CNIH3: variants seen among roughly 807,000 people sequenced by gnomAD.
The protein encoded by CNIH3 is cornichon family AMPA receptor auxiliary protein 3.
Under a neutral mutation model 24.1 loss-of-function variants are expected in CNIH3, and 14 were observed. The observed-to-expected ratio is 0.58, with a 90% confidence interval of 0.38 to 0.91. The LOEUF is 0.91. CNIH3 is among the 40% of genes least tolerant of loss of function. CNIH3 has a pLI of 0.00. For synonymous variants in CNIH3, 68 were observed against 73.8 expected (o/e 0.92, Z 0.40); for missense variants, 178 against 196.8 (o/e 0.90, Z 0.57).
At chr1:224,440,073 C>G (rs1250762852) in intron 1 of CNIH3, among the ~76,000 whole-genome samples, 1 of 152,244 alleles carries the variant, frequency 6.6e-6, no homozygotes, top group South Asian at 2.1e-4. Flanking sequence ...CAGGCGTGAG[C>G]CACTGCGCCC....
chr1:224,505,305 G>A (rs1465918840), intron 1 of CNIH3, among the ~76,000 whole-genome samples: 7 of 138,514 alleles, frequency 5.1e-5, no homozygotes, highest in Non-Finnish European at 9.4e-5. Context: ...TCTCAAAAAG[G>A]AAAAAAAAAA....
intron 1 of CNIH3, among the ~76,000 whole-genome samples, chr1:224,499,155 G>C (rs2124865981): frequency 6.6e-6 from 1 of 152,306 alleles, no homozygotes; most frequent in East Asian, 1.9e-4. Flanking sequence ...AAAAATGTTA[G>C]TTAAAAATTT....
intron 4 of CNIH3, among the ~76,000 whole-genome samples, chr1:224,573,443 A>C (rs773712083): frequency 6.6e-6 from 1 of 152,070 alleles, no homozygotes; most frequent in Non-Finnish European, 1.5e-5. Context: ...TTGCTGTGGA[A>C]CTCTAAGCTG....
At chr1:224,593,159 C>CTTT (rs773677216), downstream of CNIH3, among the ~76,000 whole-genome samples, 33 of 139,628 alleles carry the variant, frequency 2.4e-4, no homozygotes, top group African/African-American at 8.5e-4. Flanking sequence ...TTTTTTTTAA[C>CTTT]TTTTTTTTTT....
intron 4 of CNIH3, among the ~76,000 whole-genome samples, chr1:224,732,467 T>G (rs1689389743): frequency 6.6e-6 from 1 of 152,192 alleles, no homozygotes; most frequent in Non-Finnish European, 1.5e-5. Context: ...AACAACCAAG[T>G]GAGCTGGGTT....
intron 3 of CNIH3, among the ~76,000 whole-genome samples, chr1:224,696,841 G>T (rs1229449516): frequency 6.6e-6 from 1 of 152,054 alleles, no homozygotes; most frequent in Non-Finnish European, 1.5e-5. Flanking sequence ...ACAGCTAAAA[G>T]AAATCTTGCT....
upstream of CNIH3, among the ~76,000 whole-genome samples, chr1:224,511,214 G>C (rs114170325): frequency 6.6e-6 from 1 of 152,158 alleles, no homozygotes; most frequent in Admixed American, 6.5e-5. Context: ...GCTGCTTGTC[G>C]TTTCCAAGGC....
chr1:224,655,189 C>CT (rs60418566), intron 1 of CNIH3, among the ~76,000 whole-genome samples: 40,607 of 151,950 alleles, frequency 0.27, 5,603 homozygotes, highest in East Asian at 0.36. Context: ...GGGCTGTCTT[C>CT]TGAAGGAGCT....
chr1:224,616,558 C>T lies in CNIH3; in HGVS notation c.-617C>T. On this transcript the variant is annotated 5_prime_UTR_variant, in exon 1 of 6. Transcript: ENST00000272133. ...GAGCGCACGGCTGCGCTGGAAGCCG[C>T]GTCTGGGGCGCAGGACCAACGGGAC... 2.0e-6 allele frequency: 2 copies of T among 986,910 alleles called. No individual in the cohort carries two copies. Among genetic ancestry groups the T allele is most frequent in the Non-Finnish European group, 2.4e-6 (2 of 830,936 alleles). 61.1% of individuals were successfully genotyped at this position (986,910 alleles called of 1,614,324 possible). A position where few individuals can be genotyped will look rare whatever the true frequency, so the allele number is the denominator to read the frequency against.
intron 4 of CNIH3, among the ~76,000 whole-genome samples, chr1:224,581,821 C>A (rs1681285933): frequency 6.6e-6 from 1 of 152,124 alleles, no homozygotes; most frequent in African/African-American, 2.4e-5. Flanking sequence ...ACATTTAAGT[C>A]ACTTATAAAC....
chr1:224,478,363 C>T (rs867893915), intron 1 of CNIH3, among the ~76,000 whole-genome samples: 1 of 151,880 alleles, frequency 6.6e-6, no homozygotes, highest in African/African-American at 2.4e-5. Context: ...ATTTTGTCTC[C>T]TCCGTGTATT....
intron 1 of CNIH3, among the ~76,000 whole-genome samples, chr1:224,453,092 G>A (rs1216124915): frequency 2.6e-5 from 4 of 151,742 alleles, no homozygotes; most frequent in Non-Finnish European, 5.9e-5. Flanking sequence ...TTGCACTCCA[G>A]CCTGGGCAAC....
intron 1 of CNIH3, among the ~76,000 whole-genome samples, chr1:224,470,310 G>A (rs1341281153): frequency 6.7e-6 from 1 of 149,096 alleles, no homozygotes; most frequent in Non-Finnish European, 1.5e-5. Context: ...GAGCCACTGT[G>A]CCTGGCCTTT....
At chr1:224,444,878 C>T (rs1326050859) in intron 1 of CNIH3, among the ~76,000 whole-genome samples, 2 of 149,266 alleles carry the variant, frequency 1.3e-5, no homozygotes, top group Non-Finnish European at 3.0e-5. Context: ...CTCCTGACCT[C>T]GTGATCCGCC....
intron 3 of CNIH3, among the ~76,000 whole-genome samples, chr1:224,726,598 T>C (rs1467738743): frequency 1.3e-5 from 2 of 152,190 alleles, no homozygotes; most frequent in Non-Finnish European, 2.9e-5. Flanking sequence ...ATGCTTTTGC[T>C]TTCACTGTTC....
At chr1:224,628,183 G>T (rs1226842543) in intron 1 of CNIH3, among the ~76,000 whole-genome samples, 2 of 151,956 alleles carry the variant, frequency 1.3e-5, no homozygotes, top group Admixed American at 6.6e-5. Flanking sequence ...CTCTGTATTC[G>T]CCGGCTACCT....
At position 224,474,976 on chromosome 1, in the gene CNIH3, C is replaced by T. The variant is rs541661291; in HGVS notation, n.203+40114C>T. Among the ~76,000 whole-genome samples, 31 of 146,660 alleles carry T rather than the reference C, an allele frequency of 2.1e-4. No homozygotes were observed. The South Asian group carries it at 4.8e-3, about 23-fold the overall frequency. On this transcript the variant is annotated intron_variant and non_coding_transcript_variant, in intron 1 of 5. Coordinates refer to the CNIH3 transcript ENST00000471578. ...AGGAGAATGGCGTGAACCCGGGAGG[C>T]GGGGCTTGCAGTGAGTCGAGATCGT...
intron 1 of CNIH3, among the ~76,000 whole-genome samples, chr1:224,452,863 G>A (rs914629871): frequency 1.3e-5 from 2 of 150,836 alleles, no homozygotes; most frequent in African/African-American, 4.9e-5. Flanking sequence ...GCTCGTGCCT[G>A]TAATCCCAGC....
At chr1:224,453,838 G>A (rs985974922) in intron 1 of CNIH3, among the ~76,000 whole-genome samples, 1 of 152,016 alleles carries the variant, frequency 6.6e-6, no homozygotes, top group Non-Finnish European at 1.5e-5. Context: ...TAGCATTGAG[G>A]GGAGAAGAAA....
Sources: gnomAD v4.1 joint callset for allele counts (sites outside exome capture counted in the v4.1 genomes callset) on GRCh38, gnomAD v4.1.1 for gene constraint, MANE v1.5 for transcripts, NCBI Gene and HGNC (gene_info 2026-07-23, HGNC 2026-07-21) for gene names.